Variants in EPB41L2 observed in about 807,000 individuals in gnomAD.
EPB41L2 encodes band 4.1-like protein 2.
A neutral mutation model predicts 113.0 loss-of-function variants in EPB41L2; 43 were observed. That is an observed-to-expected ratio of 0.38 (90% CI 0.30 to 0.49). The LOEUF (loss-of-function observed/expected upper bound fraction) is 0.49. EPB41L2 is among the 20% of genes least tolerant of loss of function. EPB41L2 has a pLI of 0.95. For missense variants in EPB41L2, 1,147 were observed against 1,223.4 expected (o/e 0.94, Z 0.93); for synonymous variants, 442 against 436.7 (o/e 1.01, Z -0.15).
chr6:131,041,190 T>A (rs1794395203), intron 1 of EPB41L2, among the ~76,000 whole-genome samples: 1 of 152,182 alleles, frequency 6.6e-6, no homozygotes, highest in African/African-American at 2.4e-5. Context: ...AGTGTGCTGG[T>A]TAAACGGGAA....
intron 1 of EPB41L2, among the ~76,000 whole-genome samples, chr6:131,052,202 G>A (rs1247984023): frequency 5.3e-5 from 8 of 152,108 alleles, no homozygotes; most frequent in Non-Finnish European, 1.2e-4. Flanking sequence ...CTCCCGAAGT[G>A]CTAAGATTAC....
intron 8 of EPB41L2, among the ~76,000 whole-genome samples, chr6:130,898,101 T>TA (rs3836923): frequency 2.6e-4 from 37 of 144,068 alleles, no homozygotes; most frequent in Admixed American, 4.8e-4. Flanking sequence ...CCCAGGGGTC[T>TA]AAAAAAAAAA....
intron 7 of EPB41L2, 122 bp from the exon 8 acceptor site, chr6:130,899,700 G>A: frequency 1.3e-6 from 1 of 792,232 alleles, no homozygotes; most frequent in South Asian, 1.7e-5. Flanking sequence ...CAAGTTTGCA[G>A]AAAAGTAGGA....
chr6:131,057,570 T>C (rs1003303643), intron 1 of EPB41L2, among the ~76,000 whole-genome samples: 32 of 152,336 alleles, frequency 2.1e-4, no homozygotes, highest in African/African-American at 7.2e-4. Flanking sequence ...GTTGTTATAA[T>C]GGCCCAGCCC....
At chr6:130,910,018 G>GA (rs1798868505) in intron 4 of EPB41L2, among the ~76,000 whole-genome samples, 1 of 152,090 alleles carries the variant, frequency 6.6e-6, no homozygotes, top group Non-Finnish European at 1.5e-5. Flanking sequence ...CACAGAATTA[G>GA]AAAAAACTAC....
intron 4 of EPB41L2, among the ~76,000 whole-genome samples, chr6:130,910,353 C>T (rs886931674): frequency 6.6e-6 from 1 of 152,202 alleles, no homozygotes. Context: ...TGGACTCCTT[C>T]CTTACACCTT....
At position 130,901,049 on chromosome 6, in the gene EPB41L2, C is replaced by T. The variant is rs778911472; in HGVS notation, c.1061G>A (p.Gly354Asp). The T allele has an allele frequency of 1.2e-5, 19 of 1,613,998 alleles. No homozygotes were observed. In the East Asian group the frequency reaches 1.6e-4, roughly 13 times the overall value. ...ELGDYDPEEH[G>D]SIDLSEFQFA... Reference sequence around the variant, plus strand: ...CTGGAATTCACTGAGGTCGATGCTGCCATGTTCTTCTGGGTCATAGTCACC... The same window carrying T: ...CTGGAATTCACTGAGGTCGATGCTGTCATGTTCTTCTGGGTCATAGTCACC... The change falls in exon 7 of 20, where the codon GGC becomes GAC. Residue 354 changes from glycine to aspartate, a missense_variant. Gly to Asp is a moderately conservative substitution (Grantham distance 94). Coordinates refer to ENST00000337057, the MANE Select transcript of EPB41L2 (RefSeq NM_001431.4).
At position 130,992,571 on chromosome 6, in the gene EPB41L2, T is replaced by C. The variant is rs549768930; in HGVS notation, c.-14-36072A>G. ...ATCATTCCTCATCCTTTCCTCTCTA[T>C]GGGGACTCGCTTTGTTGTCCTTTCT... On this transcript the variant is annotated intron_variant, in intron 1 of 19. Coordinates refer to ENST00000337057, the MANE Select transcript of EPB41L2 (RefSeq NM_001431.4). Among the ~76,000 whole-genome samples, 4 of 152,224 alleles carry C rather than the reference T, an allele frequency of 2.6e-5. No individual in the cohort carries two copies. The South Asian group carries it at 8.3e-4, about 32-fold the overall frequency.
chr6:130,949,252 G>C (rs1049772127), intron 3 of EPB41L2, among the ~76,000 whole-genome samples: 3 of 151,982 alleles, frequency 2.0e-5, no homozygotes, highest in African/African-American at 7.3e-5. Flanking sequence ...AAACACAAAT[G>C]CACACACTTT....
At chr6:130,917,609 T>A (rs1309795097) in intron 4 of EPB41L2, among the ~76,000 whole-genome samples, 1 of 152,148 alleles carries the variant, frequency 6.6e-6, no homozygotes, top group Non-Finnish European at 1.5e-5. Context: ...ACTATAAATT[T>A]CCACTTCTCC....
At chr6:130,912,626 C>T (rs991171467) in intron 4 of EPB41L2, among the ~76,000 whole-genome samples, 1 of 152,206 alleles carries the variant, frequency 6.6e-6, no homozygotes, top group Non-Finnish European at 1.5e-5. Context: ...GCCTCCAGTG[C>T]CATGTGAGGG....
intron 19 of EPB41L2, among the ~76,000 whole-genome samples, chr6:130,850,605 A>T (rs1309618061): frequency 6.6e-6 from 1 of 152,172 alleles, no homozygotes; most frequent in Non-Finnish European, 1.5e-5. Context: ...ACACATACAC[A>T]CTGGAAAGAA....
At chr6:130,945,333 A>C (rs1022550271) in intron 3 of EPB41L2, among the ~76,000 whole-genome samples, 2 of 152,228 alleles carry the variant, frequency 1.3e-5, no homozygotes, top group Non-Finnish European at 2.9e-5. Context: ...ACCCGAACTC[A>C]ACACAAGAAA....
At chr6:130,936,415 T>C (rs1000051603) in intron 3 of EPB41L2, among the ~76,000 whole-genome samples, 22 of 152,220 alleles carry the variant, frequency 1.4e-4, no homozygotes, top group Non-Finnish European at 2.9e-5. Context: ...GATTGGTTTA[T>C]TCAAAATTAC....
At chr6:131,047,931 G>A (rs1795776404) in intron 1 of EPB41L2, among the ~76,000 whole-genome samples, 1 of 152,062 alleles carries the variant, frequency 6.6e-6, no homozygotes, top group East Asian at 1.9e-4. Context: ...ACGAGGTCAG[G>A]AGTTCAAAAT....
In EPB41L2 at chr6:130,858,251, G is replaced by A; in HGVS notation, c.2911-8C>T. 1 of 1,607,710 alleles carries A rather than the reference G, an allele frequency of 6.2e-7. No homozygotes were observed. Among genetic ancestry groups the A allele is most frequent in the South Asian group, 1.1e-5 (1 of 90,038 alleles). On this transcript the variant is annotated splice_polypyrimidine_tract_variant and splice_region_variant and intron_variant, in intron 18 of 19. Transcript: ENST00000337057. ...GATCGCCTGAGCCAGTGCCTGCCAG[G>A]GTCAGGACAGAGAACGGCTGTGAGC...
At chr6:130,912,049 C>T (rs1027096515) in intron 4 of EPB41L2, among the ~76,000 whole-genome samples, 37 of 152,146 alleles carry the variant, frequency 2.4e-4, no homozygotes, top group Non-Finnish European at 1.5e-4. Context: ...CAGAGGAGCA[C>T]AAACCCTATT....
At chr6:130,896,681 G>A (rs183028583) in intron 8 of EPB41L2, among the ~76,000 whole-genome samples, 99 of 152,278 alleles carry the variant, frequency 6.5e-4, no homozygotes, top group African/African-American at 2.3e-3. Flanking sequence ...GAATAGAAAC[G>A]ACAGATGAAG....
chr6:130,941,428 T>A (rs1432339309), intron 3 of EPB41L2, among the ~76,000 whole-genome samples: 2 of 152,230 alleles, frequency 1.3e-5, no homozygotes, highest in African/African-American at 4.8e-5. Flanking sequence ...TTTTTAAGTA[T>A]CTTTCATAAA....
Sources: gnomAD v4.1 joint callset for allele counts (sites outside exome capture counted in the v4.1 genomes callset) on GRCh38, gnomAD v4.1.1 for gene constraint, MANE v1.5 for transcripts, NCBI Gene and HGNC (gene_info 2026-07-23, HGNC 2026-07-21) for gene names.